Variants in ZNF367 observed in about 807,000 individuals in gnomAD.
ZNF367 encodes the protein C2H2 zinc finger protein ZFF29.
In ZNF367, 11 loss-of-function variants were observed where a neutral mutation model predicts 31.8. The ratio of observed to expected loss-of-function variants is 0.35; its 90% confidence interval spans 0.22 to 0.57. The LOEUF is 0.57. ZNF367 is among the 20% of genes least tolerant of loss of function. ZNF367 has a pLI of 0.85. For missense variants in ZNF367, 353 were observed against 484.1 expected, an observed-to-expected ratio of 0.73 and a Z score of 2.54; for synonymous variants, 199 against 202.4, an observed-to-expected ratio of 0.98 and a Z score of 0.14.
chr9:96,390,884 GAA>G (rs34868065), intron 4 of ZNF367, among the ~76,000 whole-genome samples: 15 of 56,602 alleles, frequency 2.7e-4, no homozygotes, highest in Admixed American at 1.0e-3. Context: ...ACCCTGTCTC[GAA>G]AAAAAAAAAA....
intron 1 of ZNF367, among the ~76,000 whole-genome samples, chr9:96,412,193 C>T (rs370547006): frequency 6.6e-6 from 1 of 152,172 alleles, no homozygotes; most frequent in African/African-American, 2.4e-5. Context: ...CAGAGTGTTA[C>T]ACTCAGCAGC....
chr9:96,415,093 C>T (rs1437951409), intron 1 of ZNF367, among the ~76,000 whole-genome samples: 45 of 148,322 alleles, frequency 3.0e-4, no homozygotes, highest in Admixed American at 4.0e-4. Flanking sequence ...CTTGCTCTGT[C>T]GCCCAGGCTG....
intron 1 of ZNF367, among the ~76,000 whole-genome samples, chr9:96,415,124 G>A (rs1439121679): frequency 6.7e-6 from 1 of 149,554 alleles, no homozygotes; most frequent in Non-Finnish European, 1.5e-5. Flanking sequence ...GCACGATCTC[G>A]GCTCACTGCA....
intron 2 of ZNF367, among the ~76,000 whole-genome samples, chr9:96,396,837 T>C (rs1831536861): frequency 1.3e-5 from 2 of 152,096 alleles, no homozygotes; most frequent in South Asian, 2.1e-4. Flanking sequence ...CTGGCTAATT[T>C]TGTATTTTTA....
In ZNF367 at chr9:96,387,926, C is replaced by T; in HGVS notation, c.*311G>A. Reference sequence around the variant, plus strand: ...AAACAAGTGTCTTATTCAGAAAGTGCTTCCTGTGAGAACTGCTTCCAATGA... The same window carrying T: ...AAACAAGTGTCTTATTCAGAAAGTGTTTCCTGTGAGAACTGCTTCCAATGA... On this transcript the variant is annotated 3_prime_UTR_variant, in exon 5 of 5. Transcript: ENST00000375256. 3.4e-6 allele frequency: 1 copy of T among 292,902 alleles called. No homozygotes were observed. The highest frequency in any genetic ancestry group is 6.3e-6 in the Non-Finnish European group (1 of 159,300). The allele number at this position is 292,902 out of a possible 1,614,324, so 18.1% of individuals were successfully genotyped here.
intron 4 of ZNF367, among the ~76,000 whole-genome samples, chr9:96,389,478 A>C (rs1426015846): frequency 6.6e-6 from 1 of 151,980 alleles, no homozygotes; most frequent in Admixed American, 6.6e-5. Context: ...ACTATTTTAT[A>C]GTGACAGCAG....
At chr9:96,412,628 T>C (rs1288080896) in intron 1 of ZNF367, among the ~76,000 whole-genome samples, 1 of 152,166 alleles carries the variant, frequency 6.6e-6, no homozygotes, top group African/African-American at 2.4e-5. Context: ...GAGTGCACTT[T>C]TATAAAGCAT....
At chr9:96,389,606 G>A (rs1442029938) in intron 4 of ZNF367, among the ~76,000 whole-genome samples, 1 of 152,126 alleles carries the variant, frequency 6.6e-6, no homozygotes, top group East Asian at 1.9e-4. Context: ...TGGAGATGGT[G>A]TCACAGTATA....
At chr9:96,416,232 G>T (rs1040784058) in intron 1 of ZNF367, among the ~76,000 whole-genome samples, 1 of 151,780 alleles carries the variant, frequency 6.6e-6, no homozygotes, top group Non-Finnish European at 1.5e-5. Flanking sequence ...GACTACAGGC[G>T]CCCACCACCA....
intron 1 of ZNF367, chr9:96,407,686 A>C: frequency 7.1e-7 from 1 of 1,413,482 alleles, no homozygotes; most frequent in Non-Finnish European, 9.9e-7. Flanking sequence ...AGAAGTATTA[A>C]AAGTTATTCG....
intron 4 of ZNF367, among the ~76,000 whole-genome samples, chr9:96,389,128 T>C (rs1831439401): frequency 6.6e-6 from 1 of 152,004 alleles, no homozygotes; most frequent in African/African-American, 2.4e-5. Flanking sequence ...TGAAAACCCC[T>C]CTGTACTAAA....
intron 1 of ZNF367, among the ~76,000 whole-genome samples, chr9:96,416,977 T>C (rs1288553669): frequency 1.3e-5 from 2 of 152,196 alleles, no homozygotes; most frequent in Non-Finnish European, 2.9e-5. Context: ...AGCTGCCTGA[T>C]CTGTAAAATA....
intron 1 of ZNF367, among the ~76,000 whole-genome samples, chr9:96,415,864 G>A (rs1454160921): frequency 2.0e-5 from 3 of 151,868 alleles, no homozygotes; most frequent in African/African-American, 7.3e-5. Flanking sequence ...GTGCAGTGGT[G>A]CTATCATGTC....
In ZNF367 at chr9:96,415,479, A is replaced by ATT. The variant is rs56349404; in HGVS notation, c.420+2132_420+2133dup. ...CAACGCTTCTATCGTTAGTTTCTTC[A>ATT]TTTTTTTTTTTTTTTTTTTTTTTTT... On this transcript the variant is annotated intron_variant, in intron 1 of 4. Transcript: ENST00000375256. Among the ~76,000 whole-genome samples the ATT allele has an allele frequency of 3.4e-3, 128 of 37,784 alleles. 47 individuals are homozygous for ATT. The highest frequency in any genetic ancestry group is 9.2e-3 in the East Asian group (9 of 978). 24.8% of individuals were successfully genotyped at this position (37,784 alleles called of 152,430 possible).
At chr9:96,413,685 A>G (rs1831781602) in intron 1 of ZNF367, among the ~76,000 whole-genome samples, 1 of 152,168 alleles carries the variant, frequency 6.6e-6, no homozygotes, top group African/African-American at 2.4e-5. Flanking sequence ...GAAGAAGATA[A>G]TATATAATTA....
rs538561617 is a variant in ZNF367, at chr9:96,392,708, C to T, written c.692-172G>A. On this transcript the variant is annotated intron_variant, in intron 3 of 4. Coordinates refer to ENST00000375256, the MANE Select transcript of ZNF367 (RefSeq NM_153695.4). The stretch of plus-strand genomic sequence containing the variant: ...CAGCACAGTCTCATCAGTGCTAGAG[C>T]GGGGACAGGAAGACAGTCACATTTT... Among the ~76,000 whole-genome samples the T allele has an allele frequency of 3.3e-5, 5 of 152,322 alleles. No homozygotes were observed. In the East Asian group the frequency reaches 5.8e-4, roughly 18 times the overall value.
rs1375891723 is a variant in ZNF367, at chr9:96,407,628, G to C, written c.421-9314C>G. 3 of 1,441,288 alleles carry C rather than the reference G, an allele frequency of 2.1e-6. No homozygotes were observed. In the Admixed American group the frequency reaches 5.2e-5, roughly 25 times the overall value. The allele number at this position is 1,441,288 out of a possible 1,614,324, so 89.3% of individuals were successfully genotyped here. ...TTAAACAGAAACGAAAAGAGAAGGC[G>C]GGAAAATGGGAAGTCCCTCTGCCTA... On this transcript the variant is annotated intron_variant, in intron 1 of 4. Transcript: ENST00000375256.
Position 96,417,638 on chromosome 9 carries a change from C to T in ZNF367, c.395G>A (p.Ser132Asn). Reference sequence around the variant, plus strand: ...CTTGAGGTGGCCGCTGTCTGGGCTGCTCGCTTCCTCCTCGTCCTCACCTCC... The same window carrying T: ...CTTGAGGTGGCCGCTGTCTGGGCTGTTCGCTTCCTCCTCGTCCTCACCTCC... ...ASGGEDEEEASSPDSGHLKDG... is the reference protein window; with the variant it reads ...ASGGEDEEEANSPDSGHLKDG... The change falls in exon 1 of 5, where the codon AGC becomes AAC. Residue 132 changes from serine to asparagine, a missense_variant. Ser to Asn is a conservative substitution (Grantham distance 46). This residue lies in a region of ZNF367 where 70 missense variants were observed against 57.1 expected (regional missense o/e 1.23). Coordinates refer to ENST00000375256, the MANE Select transcript of ZNF367 (RefSeq NM_153695.4). The surrounding 1 kb of genome is among the most constrained non-coding windows in gnomAD (Gnocchi z 5.0). The T allele has an allele frequency of 1.2e-6, 1 of 849,180 alleles. No homozygotes were observed. The highest frequency in any genetic ancestry group is 1.5e-6 in the Non-Finnish European group (1 of 645,284). 52.6% of individuals were successfully genotyped at this position (849,180 alleles called of 1,614,324 possible). A position where few individuals can be genotyped will look rare whatever the true frequency, so the allele number is the denominator to read the frequency against.
rs764143175 is a variant in ZNF367, at chr9:96,417,894, C to T, written c.139G>A (p.Gly47Arg). 3.9e-6 allele frequency: 6 copies of T among 1,521,894 alleles called. No individual in the cohort carries two copies. In the East Asian group the frequency reaches 1.4e-4, roughly 34 times the overall value. 94.3% of individuals were successfully genotyped at this position (1,521,894 alleles called of 1,614,324 possible). The change falls in exon 1 of 5, where the codon GGA becomes AGA. Residue 47 changes from glycine (G) to arginine (R), a missense_variant. Physicochemically the swap from Gly to Arg is moderately radical, Grantham distance 125 (BLOSUM62 -2). Transcript: ENST00000375256. The surrounding 1 kb of genome is among the most constrained non-coding windows in gnomAD (Gnocchi z 5.0). ...GGCGGCGGCGGCTCCGGCTCCCCTC[C>T]ACCGCCGCACGTTGGCTTGATCGGG... is the stretch of plus-strand genomic sequence containing the variant. Reference protein sequence around the residue: ...TTPIKPTCGGGGEPEPPPPLI... With the variant: ...TTPIKPTCGGRGEPEPPPPLI...
Sources: allele counts gnomAD v4.1 joint callset (sites outside exome capture counted in the v4.1 genomes callset), GRCh38; gene constraint gnomAD v4.1.1; regional missense constraint gnomAD v4.1.1; non-coding constraint Gnocchi (gnomAD v3.1); transcripts MANE v1.5; gene names NCBI Gene and HGNC (gene_info 2026-07-23, HGNC 2026-07-21).